The following CNPY1 variants were observed in gnomAD, a reference collection of about 807,000 sequenced individuals.
The protein encoded by CNPY1 is protein canopy homolog 1.
CNPY1 carries 14 observed loss-of-function variants against 14.4 expected under a neutral mutation model. The ratio of observed to expected loss-of-function variants is 0.97; its 90% CI spans 0.64 to 1.52. The LOEUF is 1.52. Among genes scored for constraint, CNPY1 ranks in the 40% most tolerant of loss-of-function variants. The probability of loss-of-function intolerance (pLI) is 0.00; values close to 1 mark genes in which losing one functional copy is unlikely to be tolerated. For missense variants in CNPY1, 129 were observed against 131.5 expected (o/e 0.98, Z 0.09); for synonymous variants, 43 against 46.5 (o/e 0.92, Z 0.31).
Position 155,504,728 on chromosome 7 carries a change from A to AC in CNPY1, c.401-1624_401-1623insG, listed in dbSNP as rs1389526148. Reference sequence around the variant, plus strand: ...CACACACACACACACACACACACACAGTCACATCTTTAAGACACTGTTTAA... The same window carrying AC: ...CACACACACACACACACACACACACACGTCACATCTTTAAGACACTGTTTAA... On this transcript the variant is annotated intron_variant, in intron 4 of 4. Transcript: ENST00000636446. Among the ~76,000 whole-genome samples the AC allele has an allele frequency of 2.3e-3, 331 of 146,372 alleles. 1 individual carries two copies. Among genetic ancestry groups the AC allele is most frequent in the African/African-American group, 8.0e-3 (316 of 39,486 alleles).
intron 2 of CNPY1, among the ~76,000 whole-genome samples, chr7:155,526,578 A>G (rs1420510970): frequency 6.6e-6 from 1 of 152,168 alleles, no homozygotes; most frequent in African/African-American, 2.4e-5. Context: ...GGCTACAAAT[A>G]CACACCTCGA....
At chr7:155,521,309 G>A (rs539686489) in intron 2 of CNPY1, among the ~76,000 whole-genome samples, 21 of 152,300 alleles carry the variant, frequency 1.4e-4, no homozygotes, top group African/African-American at 4.6e-4. Context: ...AAAAACAAGT[G>A]GTGTTTCTAA....
Position 155,536,727 on chromosome 7 carries a change from C to G in CNPY1, c.99+9104G>C, listed in dbSNP as rs1450418776. Among the ~76,000 whole-genome samples the G allele has an allele frequency of 1.3e-5, 2 of 152,158 alleles. No individual in the cohort carries two copies. Among genetic ancestry groups the G allele is most frequent in the Non-Finnish European group, 2.9e-5 (2 of 68,020 alleles). On this transcript the variant is annotated intron_variant, in intron 2 of 4. Transcript: ENST00000636446. This position sits in a 1 kb window ranked among gnomAD's most constrained non-coding sequence, Gnocchi z 4.1. ...CAGAAGGGCCTGGGTCCCTGAATGA[C>G]CAAGTGGAGCAGAGCCCCGTGCCAA... is the stretch of plus-strand genomic sequence containing the variant.
At chr7:155,540,992 A>G (rs1469732523) in intron 2 of CNPY1, among the ~76,000 whole-genome samples, 1 of 152,240 alleles carries the variant, frequency 6.6e-6, no homozygotes, top group African/African-American at 2.4e-5. Context: ...ATAAATAAAT[A>G]ATAGGGAAAT....
At chr7:155,531,113 C>A (rs1283345158) in intron 2 of CNPY1, among the ~76,000 whole-genome samples, 3 of 152,194 alleles carry the variant, frequency 2.0e-5, no homozygotes, top group Non-Finnish European at 4.4e-5. Context: ...ATAAACTGAG[C>A]ACAGAACCAA....
intron 2 of CNPY1, chr7:155,510,406 G>A (rs1192752854): frequency 6.6e-6 from 1 of 152,164 alleles, no homozygotes; most frequent in Non-Finnish European, 1.5e-5. Flanking sequence ...CATTCTAAAA[G>A]AAACTTGGGA....
Position 155,508,984 on chromosome 7 carries a change from C to G in CNPY1, c.213G>C (p.Lys71Asn). 1 of 1,613,826 alleles carries G rather than the reference C, an allele frequency of 6.2e-7. No homozygotes were observed. Among genetic ancestry groups the G allele is most frequent in the Non-Finnish European group, 8.5e-7 (1 of 1,179,772 alleles). ...EDPVTKERTF[K>N]RFAPRKGDKI... ...TGTCTCCTTTCCTAGGAGCGAATCT[C>G]TTGAAAGTTCTCTCCTTCGTCACAG... Residue 71 changes from lysine to asparagine, a missense_variant, in exon 3 of 5, where the codon AAG becomes AAC. Physicochemically the swap from Lys to Asn is moderately conservative, Grantham distance 94 (BLOSUM62 0). Coordinates refer to ENST00000636446, the MANE Select transcript of CNPY1 (RefSeq NM_001393663.1).
chr7:155,538,868 G>A (rs1227346941), intron 2 of CNPY1, among the ~76,000 whole-genome samples: 1 of 152,216 alleles, frequency 6.6e-6, no homozygotes, highest in Admixed American at 6.5e-5. Context: ...GGCTGCTGAG[G>A]TCTCTGGGTC....
At chr7:155,519,732 A>T (rs1421884927) in intron 2 of CNPY1, among the ~76,000 whole-genome samples, 1 of 152,156 alleles carries the variant, frequency 6.6e-6, no homozygotes, top group Non-Finnish European at 1.5e-5. Flanking sequence ...TTCACACCTG[A>T]AGGGAAACAA....
intron 2 of CNPY1, among the ~76,000 whole-genome samples, chr7:155,535,201 T>C (rs766289542): frequency 4.6e-5 from 7 of 152,222 alleles, no homozygotes; most frequent in Non-Finnish European, 8.8e-5. Context: ...CTGGTCAGTA[T>C]GCAAGCACTT....
At chr7:155,522,666 G>A (rs957765268) in intron 2 of CNPY1, among the ~76,000 whole-genome samples, 3 of 151,632 alleles carry the variant, frequency 2.0e-5, no homozygotes, top group African/African-American at 7.3e-5. Flanking sequence ...TCTTCATGGA[G>A]GTGCTGGGAT....
At chr7:155,514,027 T>C (rs1391958809) in intron 2 of CNPY1, among the ~76,000 whole-genome samples, 1 of 152,252 alleles carries the variant, frequency 6.6e-6, no homozygotes, top group African/African-American at 2.4e-5. Flanking sequence ...CAATTCACAC[T>C]GCACCTCTTG....
intron 2 of CNPY1, among the ~76,000 whole-genome samples, chr7:155,520,415 T>C (rs1476016041): frequency 1.4e-5 from 2 of 145,384 alleles, no homozygotes; most frequent in Non-Finnish European, 3.0e-5. Flanking sequence ...TCTTTTTCTT[T>C]CTTTCTTTCT....
Position 155,533,479 on chromosome 7 carries a change from C to T in CNPY1, c.99+12352G>A, listed in dbSNP as rs1380186893. 4.6e-5 allele frequency among the ~76,000 whole-genome samples: 7 copies of T among 152,344 alleles called. No individual in the cohort carries two copies. In the East Asian group the frequency reaches 1.4e-3, roughly 29 times the overall value. On this transcript the variant is annotated intron_variant, in intron 2 of 4. Coordinates refer to ENST00000636446, the MANE Select transcript of CNPY1 (RefSeq NM_001393663.1). ...CTCGCCGCGGGTGCAGGGCGCGCCT[C>T]AGAATGACAGCGAGGTGCACGCTCC...
intron 2 of CNPY1, among the ~76,000 whole-genome samples, chr7:155,534,114 A>G (rs1796991821): frequency 6.6e-6 from 1 of 152,132 alleles, no homozygotes; most frequent in Admixed American, 6.5e-5. Context: ...GCAGCGGGTT[A>G]GGGGCCCCAA....
At chr7:155,516,491 G>A (rs538288216) in intron 2 of CNPY1, among the ~76,000 whole-genome samples, 15 of 152,272 alleles carry the variant, frequency 9.9e-5, no homozygotes, top group South Asian at 2.1e-4. Flanking sequence ...GAGTGGAACC[G>A]CGGGGACCTC....
intron 2 of CNPY1, among the ~76,000 whole-genome samples, chr7:155,517,958 G>A (rs1165190247): frequency 6.6e-6 from 1 of 152,210 alleles, no homozygotes; most frequent in African/African-American, 2.4e-5. Flanking sequence ...AGGCATTTAA[G>A]CAGCACAGTG....
chr7:155,538,846 G>A lies in CNPY1; in HGVS notation c.99+6985C>T, dbSNP rs146127254. Among the ~76,000 whole-genome samples, 89 of 152,250 alleles carry A rather than the reference G, an allele frequency of 5.8e-4. No individual in the cohort carries two copies. The East Asian group carries it at 0.015, about 26-fold the overall frequency. ...CACCCTTCACTCTCTGAGACGTGGCGTTCACACTGGCGGCTGCTGAGGTCT... is the reference window on the plus strand; with the variant it reads ...CACCCTTCACTCTCTGAGACGTGGCATTCACACTGGCGGCTGCTGAGGTCT... On this transcript the variant is annotated intron_variant, in intron 2 of 4. Transcript: ENST00000636446.
intron 2 of CNPY1, among the ~76,000 whole-genome samples, chr7:155,528,071 C>T (rs1796862389): frequency 6.6e-6 from 1 of 152,204 alleles, no homozygotes; most frequent in Non-Finnish European, 1.5e-5. Context: ...GAAGGGACAG[C>T]AGAGCTCTCT....
Sources: allele counts gnomAD v4.1 joint callset (sites outside exome capture counted in the v4.1 genomes callset), GRCh38; gene constraint gnomAD v4.1.1; non-coding constraint Gnocchi (gnomAD v3.1); transcripts MANE v1.5; gene names NCBI Gene and HGNC (gene_info 2026-07-23, HGNC 2026-07-21).